SLC18A2: variants seen among roughly 807,000 people sequenced by gnomAD.
The protein encoded by SLC18A2 is solute carrier family 18 member A2.
Under a neutral mutation model 59.2 loss-of-function variants are expected in SLC18A2, and 33 were observed. That is an observed-to-expected ratio of 0.56 (90% confidence interval 0.42 to 0.75). SLC18A2 has a LOEUF of 0.75. SLC18A2 is among the 30% of genes least tolerant of loss of function. SLC18A2 has a pLI of 0.00. For missense variants in SLC18A2, 569 were observed against 668.6 expected (o/e 0.85, Z 1.64); for synonymous variants, 228 against 253.5 (o/e 0.90, Z 0.95).
intron 10 of SLC18A2, among the ~76,000 whole-genome samples, chr10:117,261,559 C>T (rs755548682): frequency 6.6e-6 from 1 of 152,204 alleles, no homozygotes; most frequent in Non-Finnish European, 1.5e-5. Flanking sequence ...CCCAACCCTT[C>T]TTCAGGTGAC....
chr10:117,277,189 A>T lies in SLC18A2; in HGVS notation c.1468A>T (p.Ile490Phe). 1 of 1,610,374 alleles carries T rather than the reference A, an allele frequency of 6.2e-7. No homozygotes were observed. The highest frequency in any genetic ancestry group is 8.5e-7 in the Non-Finnish European group (1 of 1,177,206). ...MAILMDHNCP[I>F]KTKMYTQNNI... ...TATTCTCATGGATCACAACTGCCCT[A>T]TTAAAACAAAAATGTACACTCAGAA... is the stretch of plus-strand genomic sequence containing the variant. Residue 490 changes from isoleucine (I) to phenylalanine (F), a missense_variant, in exon 16 of 16, where the codon ATT becomes TTT. This residue lies in a region of SLC18A2 where 192 missense variants were observed against 278.8 expected (regional missense o/e 0.69). Coordinates refer to ENST00000644641, the MANE Select transcript of SLC18A2 (RefSeq NM_003054.6).
intron 9 of SLC18A2, among the ~76,000 whole-genome samples, chr10:117,257,232 G>C (rs564972888): frequency 6.6e-6 from 1 of 152,100 alleles, no homozygotes; most frequent in Non-Finnish European, 1.5e-5. Context: ...ATTTACAAAG[G>C]GTTCTGGTTA....
chr10:117,268,987 CAT>C (rs1256231452), intron 13 of SLC18A2, among the ~76,000 whole-genome samples: 2 of 50,236 alleles, frequency 4.0e-5, no homozygotes, highest in African/African-American at 9.6e-5. Context: ...CACACACATT[CAT>C]ACACACAAAC....
At chr10:117,255,214 G>C in intron 6 of SLC18A2, 63 bp from the exon 7 acceptor site, 1 of 1,423,656 alleles carries the variant, frequency 7.0e-7, no homozygotes, top group Non-Finnish European at 9.9e-7. Context: ...TCAAATAGAT[G>C]GTTCTAGTAC....
rs1844363302 is a variant in SLC18A2 at position 117,267,700 on chromosome 10, C to T, written c.1150C>T (p.Leu384Phe). 2 of 1,569,474 alleles carry T rather than the reference C, an allele frequency of 1.3e-6. No homozygotes were observed. Among genetic ancestry groups the T allele is most frequent in the South Asian group, 1.1e-5 (1 of 87,576 alleles). ...TCCATTTGCAAAAAACATTTATGGACTCATAGCTCCGAACTTTGGAGTTGG... is the reference window on the plus strand; with the variant it reads ...TCCATTTGCAAAAAACATTTATGGATTCATAGCTCCGAACTTTGGAGTTGG... ...CIPFAKNIYG[L>F]IAPNFGVGFA... The change falls in exon 13 of 16, where the codon CTC (leucine) becomes TTC (phenylalanine). Residue 384 changes from leucine to phenylalanine, a missense_variant. Around this residue, in one of 2 missense-constraint regions of SLC18A2, gnomAD observed 192 missense variants for 278.8 expected, o/e 0.69. Transcript: ENST00000644641.
intron 13 of SLC18A2, among the ~76,000 whole-genome samples, chr10:117,268,898 TTGTG>T (rs924059711): frequency 1.9e-4 from 29 of 151,154 alleles, no homozygotes; most frequent in African/African-American, 3.4e-4. Context: ...TATGTGTGTG[TTGTG>T]TGTATGTGTG....
Position 117,277,191 on chromosome 10 carries a change from TAAAAC to T in SLC18A2, c.1475_1479del (p.Thr492AsnfsTer6). The T allele has an allele frequency of 1.2e-6, 2 of 1,610,664 alleles. No individual in the cohort carries two copies. The highest frequency in any genetic ancestry group is 1.7e-6 in the Non-Finnish European group (2 of 1,177,520). ...TTCTCATGGATCACAACTGCCCTAT[TAAAAC>T]AAAAATGTACACTCAGAATAATATC... On this transcript the variant is annotated frameshift_variant, in exon 16 of 16. Coordinates refer to ENST00000644641, the MANE Select transcript of SLC18A2 (RefSeq NM_003054.6). LOFTEE classifies it high-confidence loss of function.
intron 2 of SLC18A2, among the ~76,000 whole-genome samples, chr10:117,242,707 A>G (rs1167595574): frequency 6.6e-6 from 1 of 152,014 alleles, no homozygotes; most frequent in African/African-American, 2.4e-5. Flanking sequence ...TTTAATTTGT[A>G]TTTTTTGTTG....
intron 10 of SLC18A2, among the ~76,000 whole-genome samples, chr10:117,258,962 T>C (rs1008821341): frequency 6.6e-6 from 1 of 152,138 alleles, no homozygotes; most frequent in Non-Finnish European, 1.5e-5. Flanking sequence ...AATTTTCCAA[T>C]TTCTGACATT....
rs1844204767 is a variant in SLC18A2 at position 117,254,588 on chromosome 10, T to C, written c.700+91T>C. 7.6e-6 allele frequency: 6 copies of C among 785,420 alleles called. No homozygotes were observed. The Admixed American group carries it at 8.5e-5, about 11-fold the overall frequency. The allele number at this position is 785,420 out of a possible 1,614,324, so 48.7% of individuals were successfully genotyped here. A position where few individuals can be genotyped will look rare whatever the true frequency, so the allele number is the denominator to read the frequency against. ...CCTCGCCCAGTGACCCTGGCGCAGT[T>C]TGCACTGACACAGAGGTCCCCTTTT... On this transcript the variant is annotated intron_variant, in intron 6 of 15. Coordinates refer to ENST00000644641, the MANE Select transcript of SLC18A2 (RefSeq NM_003054.6).
At chr10:117,270,044 T>C (rs375202520) in intron 13 of SLC18A2, 27 bp from the exon 14 acceptor site, 3 of 1,613,042 alleles carry the variant, frequency 1.9e-6, no homozygotes, top group Non-Finnish European at 2.5e-6. Flanking sequence ...CCGTTTTCTA[T>C]ACACTGTGTT....
chr10:117,269,142 C>T lies in SLC18A2; in HGVS notation c.1187-929C>T, dbSNP rs1165411517. Among the ~76,000 whole-genome samples the T allele has an allele frequency of 7.2e-6, 1 of 139,512 alleles. No homozygotes were observed. The highest frequency in any genetic ancestry group is 2.7e-5 in the African/African-American group (1 of 37,688). 91.5% of individuals were successfully genotyped at this position (139,512 alleles called of 152,430 possible). A position where few individuals can be genotyped will look rare whatever the true frequency, so the allele number is the denominator to read the frequency against. Reference sequence around the variant, plus strand: ...ATACACATACACATACAAACACCCACCCACATACATATGCACACATACACA... The same window carrying T: ...ATACACATACACATACAAACACCCATCCACATACATATGCACACATACACA... On this transcript the variant is annotated intron_variant, in intron 13 of 15. Coordinates refer to ENST00000644641, the MANE Select transcript of SLC18A2 (RefSeq NM_003054.6). This position sits in a 1 kb window ranked among gnomAD's most constrained non-coding sequence, Gnocchi z 5.1.
Position 117,241,662 on chromosome 10 carries a change from G to T in SLC18A2, c.-15-17G>T. ...TCCACGGCCGCCTTGGGTCCTCACC[G>T]CGCACCGCGCCCGCAGCGGAGCCCC... is the stretch of plus-strand genomic sequence containing the variant. On this transcript the variant is annotated splice_polypyrimidine_tract_variant and intron_variant, in intron 1 of 15. Coordinates refer to ENST00000644641, the MANE Select transcript of SLC18A2 (RefSeq NM_003054.6). 1.3e-6 allele frequency: 2 copies of T among 1,547,050 alleles called. No individual in the cohort carries two copies. Among genetic ancestry groups the T allele is most frequent in the Non-Finnish European group, 1.7e-6 (2 of 1,148,982 alleles).
At chr10:117,255,403 G>A (rs757583246) in intron 7 of SLC18A2, 37 bp downstream of exon 7, 1 of 1,613,836 alleles carries the variant, frequency 6.2e-7, no homozygotes. Flanking sequence ...CCATGACCTT[G>A]GCATCGTGCT....
At chr10:117,260,696 C>T (rs1183194634) in intron 10 of SLC18A2, among the ~76,000 whole-genome samples, 1 of 152,178 alleles carries the variant, frequency 6.6e-6, no homozygotes, top group Non-Finnish European at 1.5e-5. Context: ...AATCCTCAGT[C>T]AGTCCCTATT....
At chr10:117,276,417 GC>G (rs1364982516) in intron 15 of SLC18A2, among the ~76,000 whole-genome samples, 4 of 151,726 alleles carry the variant, frequency 2.6e-5, no homozygotes, top group Non-Finnish European at 5.9e-5. Context: ...TTTGAGACCA[GC>G]CTGGCCAACA....
intron 3 of SLC18A2, among the ~76,000 whole-genome samples, chr10:117,249,842 G>A (rs363403): frequency 1.4e-4 from 21 of 152,098 alleles, no homozygotes; most frequent in African/African-American, 4.8e-4. Flanking sequence ...TACTCAAATT[G>A]GATTAACTGC....
At chr10:117,242,065 C>G (rs1844062560) in intron 2 of SLC18A2, 1 of 370,044 alleles carries the variant, frequency 2.7e-6, no homozygotes. Flanking sequence ...TTATGTTTCC[C>G]CCTGATAATT....
At chr10:117,255,762 T>C (rs1206201298) in intron 9 of SLC18A2, 105 bp downstream of exon 9, 1 of 964,070 alleles carries the variant, frequency 1.0e-6, no homozygotes, top group Non-Finnish European at 1.6e-6. Context: ...CTGCTAGAAA[T>C]GTTGGGCTAT....
Sources: allele counts gnomAD v4.1 joint callset (sites outside exome capture counted in the v4.1 genomes callset), GRCh38; gene constraint gnomAD v4.1.1; regional missense constraint gnomAD v4.1.1; non-coding constraint Gnocchi (gnomAD v3.1); transcripts MANE v1.5; gene names NCBI Gene and HGNC (gene_info 2026-07-23, HGNC 2026-07-21).